Variants in CNTN3 observed in about 807,000 individuals in gnomAD.
CNTN3 encodes the protein contactin-3.
In CNTN3, 60 loss-of-function variants were observed where a neutral mutation model predicts 119.1. That is an observed-to-expected ratio of 0.50 (90% confidence interval 0.41 to 0.62). The LOEUF is 0.62. Ranked by LOEUF, CNTN3 falls within the 20% of genes least tolerant of loss-of-function variation. CNTN3 has a pLI of 0.00. For missense variants in CNTN3, 1,101 were observed against 1,242.4 expected, an observed-to-expected ratio of 0.89 and a Z score of 1.71; for synonymous variants, 450 against 438.7, an observed-to-expected ratio of 1.03 and a Z score of -0.32.
chr3:74,576,298 A>C (rs1704415890), intron 1 of CNTN3, among the ~76,000 whole-genome samples: 1 of 152,196 alleles, frequency 6.6e-6, no homozygotes, highest in African/African-American at 2.4e-5. Flanking sequence ...CAGTCCCCTG[A>C]ACTTGAGCGT....
chr3:74,518,202 G>A (rs901266439), intron 2 of CNTN3, among the ~76,000 whole-genome samples: 3 of 151,830 alleles, frequency 2.0e-5, no homozygotes, highest in African/African-American at 7.2e-5. Context: ...TCCAATATGC[G>A]GAGTAATCAA....
At chr3:74,372,908 A>G (rs1416230520) in intron 5 of CNTN3, among the ~76,000 whole-genome samples, 1 of 152,190 alleles carries the variant, frequency 6.6e-6, no homozygotes, top group Non-Finnish European at 1.5e-5. Context: ...AGAAGAGAAC[A>G]TGCTAAGGAC....
At chr3:74,591,860 G>A (rs951050047) in intron 1 of CNTN3, among the ~76,000 whole-genome samples, 7 of 151,948 alleles carry the variant, frequency 4.6e-5, no homozygotes, top group African/African-American at 1.7e-4. Context: ...TTGGCAATGT[G>A]GAACTCAGCC....
intron 4 of CNTN3, among the ~76,000 whole-genome samples, chr3:74,440,591 T>C (rs989507305): frequency 1.3e-5 from 2 of 152,158 alleles, no homozygotes; most frequent in African/African-American, 2.4e-5. Flanking sequence ...TTGAACCAAT[T>C]GTGGATCAAA....
chr3:74,556,012 T>C (rs968832438), intron 1 of CNTN3, among the ~76,000 whole-genome samples: 1 of 152,160 alleles, frequency 6.6e-6, no homozygotes, highest in South Asian at 2.1e-4. Flanking sequence ...ATTTTCTTAT[T>C]GCTGAGTTTT....
At position 74,285,501 on chromosome 3, in the gene CNTN3, G is replaced by A. The variant is rs757404773; in HGVS notation, c.2518-10C>T. 8.8e-6 allele frequency: 14 copies of A among 1,597,986 alleles called. No individual in the cohort carries two copies. The highest frequency in any genetic ancestry group is 3.5e-5 in the Admixed American group (2 of 56,414). On this transcript the variant is annotated splice_polypyrimidine_tract_variant and intron_variant, in intron 19 of 22. Transcript: ENST00000263665. Reference sequence around the variant, plus strand: ...CATTCCAGTACCGCACCTGGTGGGCGGAAGACACCAAACATGTGAAGGCTT... The same window carrying A: ...CATTCCAGTACCGCACCTGGTGGGCAGAAGACACCAAACATGTGAAGGCTT...
At chr3:74,268,728 G>T (rs1013923664) in intron 20 of CNTN3, among the ~76,000 whole-genome samples, 3 of 152,070 alleles carry the variant, frequency 2.0e-5, no homozygotes, top group Non-Finnish European at 2.9e-5. Flanking sequence ...CCATGTTCTG[G>T]TTACTCAAAT....
chr3:74,567,648 T>C (rs1575835005), intron 1 of CNTN3, among the ~76,000 whole-genome samples: 1 of 152,098 alleles, frequency 6.6e-6, no homozygotes, highest in Admixed American at 6.6e-5. Flanking sequence ...AAGGGACCTT[T>C]TTGAATCTTG....
rs114937714 is a variant in CNTN3, at chr3:74,295,741, T to C, written c.2402-505A>G. ...TGGCATGCTCTTTTGAAGGAGTAGATAGAAATGCAGGTGGCTTATCATATA... is the reference window on the plus strand; with the variant it reads ...TGGCATGCTCTTTTGAAGGAGTAGACAGAAATGCAGGTGGCTTATCATATA... On this transcript the variant is annotated intron_variant, in intron 18 of 22. Transcript: ENST00000263665. 5.3e-3 allele frequency among the ~76,000 whole-genome samples: 810 copies of C among 152,304 alleles called. 6 individuals carry two copies. The highest frequency in any genetic ancestry group is 0.019 in the African/African-American group (783 of 41,570).
At chr3:74,498,786 T>C (rs1005440079) in intron 3 of CNTN3, among the ~76,000 whole-genome samples, 8 of 151,780 alleles carry the variant, frequency 5.3e-5, no homozygotes, top group Admixed American at 1.3e-4. Flanking sequence ...AAACTAATAG[T>C]GTGAATGGGG....
chr3:74,344,547 T>C (rs1464676605), intron 11 of CNTN3, among the ~76,000 whole-genome samples: 1 of 59,524 alleles, frequency 1.7e-5, no homozygotes, highest in Non-Finnish European at 3.4e-5. Flanking sequence ...TGCTTCAGCC[T>C]CCCGGGTTCA....
At chr3:74,472,272 T>C (rs1344892473) in intron 4 of CNTN3, among the ~76,000 whole-genome samples, 1 of 152,180 alleles carries the variant, frequency 6.6e-6, no homozygotes, top group African/African-American at 2.4e-5. Context: ...AGAAAATTGA[T>C]TAGGAAACAT....
chr3:74,385,910 T>C (rs993855539), intron 5 of CNTN3, among the ~76,000 whole-genome samples: 1 of 152,218 alleles, frequency 6.6e-6, no homozygotes, highest in African/African-American at 2.4e-5. Context: ...TTCAAAAATA[T>C]GAAAACCAAT....
At chr3:74,534,685 C>T (rs952535162) in intron 1 of CNTN3, among the ~76,000 whole-genome samples, 6 of 151,726 alleles carry the variant, frequency 4.0e-5, no homozygotes, top group Admixed American at 3.9e-4. Context: ...AGTATTGAGC[C>T]CTAAAATAAC....
intron 5 of CNTN3, among the ~76,000 whole-genome samples, chr3:74,390,453 T>C (rs1463320723): frequency 1.3e-5 from 2 of 151,542 alleles, no homozygotes; most frequent in Non-Finnish European, 1.5e-5. Context: ...TCAGTGTTCT[T>C]CCTTCCATCA....
intron 13 of CNTN3, among the ~76,000 whole-genome samples, chr3:74,313,081 T>C (rs1448008129): frequency 2.0e-5 from 3 of 150,922 alleles, no homozygotes; most frequent in African/African-American, 7.3e-5. Context: ...TGGGCATGGT[T>C]GAGAAAAAAT....
chr3:74,557,266 T>C (rs1262593738), intron 1 of CNTN3, among the ~76,000 whole-genome samples: 2 of 152,214 alleles, frequency 1.3e-5, no homozygotes, highest in Non-Finnish European at 2.9e-5. Flanking sequence ...TTTCTAGTTT[T>C]AGCTGTTGGA....
chr3:74,390,525 A>G (rs1704872957), intron 5 of CNTN3, among the ~76,000 whole-genome samples: 1 of 152,062 alleles, frequency 6.6e-6, no homozygotes, highest in Non-Finnish European at 1.5e-5. Context: ...GAGTTAACCC[A>G]TTTGGAAACT....
At chr3:74,442,722 T>C (rs1701987389) in intron 4 of CNTN3, among the ~76,000 whole-genome samples, 1 of 152,156 alleles carries the variant, frequency 6.6e-6, no homozygotes, top group Non-Finnish European at 1.5e-5. Flanking sequence ...TAATAATAGC[T>C]CACATTTAAT....
Sources: allele counts gnomAD v4.1 joint callset (sites outside exome capture counted in the v4.1 genomes callset), GRCh38; gene constraint gnomAD v4.1.1; transcripts MANE v1.5; gene names NCBI Gene and HGNC (gene_info 2026-07-23, HGNC 2026-07-21).